AGBL4: variants seen among roughly 807,000 people sequenced by gnomAD.
The protein encoded by AGBL4 is cytosolic carboxypeptidase 6.
Under a neutral mutation model 66.4 loss-of-function variants are expected in AGBL4, and 58 were observed. The observed-to-expected ratio is 0.87, with a 90% CI of 0.71 to 1.09. The LOEUF is 1.09. Ranked by LOEUF, AGBL4 falls within the 50% of genes least tolerant of loss-of-function variation. The pLI is 0.00. For missense variants in AGBL4, 579 were observed against 631.0 expected, an observed-to-expected ratio of 0.92 and a Z score of 0.88; for synonymous variants, 234 against 222.9, an observed-to-expected ratio of 1.05 and a Z score of -0.44.
intron 1 of AGBL4, among the ~76,000 whole-genome samples, chr1:49,880,757 G>T (rs1647216308): frequency 6.6e-6 from 1 of 152,022 alleles, no homozygotes; most frequent in South Asian, 2.1e-4. Flanking sequence ...CCCTCCCCCA[G>T]CCTTGCTGCC....
At chr1:48,663,362 C>T in intron 6 of AGBL4, 121 bp from the exon 7 acceptor site, 1 of 866,104 alleles carries the variant, frequency 1.2e-6, no homozygotes, top group African/African-American at 1.6e-5. Flanking sequence ...CCTCTTAAAC[C>T]ACTGGGTTAG....
chr1:49,696,699 C>G (rs913728931), intron 3 of AGBL4, among the ~76,000 whole-genome samples: 13 of 151,900 alleles, frequency 8.6e-5, no homozygotes, highest in African/African-American at 3.1e-4. Flanking sequence ...AACTGAAACA[C>G]TTCTGGTCCC....
chr1:48,558,251 C>A (rs1436501529), intron 11 of AGBL4, among the ~76,000 whole-genome samples: 1 of 152,244 alleles, frequency 6.6e-6, no homozygotes, highest in Non-Finnish European at 1.5e-5. Flanking sequence ...TAGTGACCTT[C>A]ATATTTTCTA....
intron 6 of AGBL4, among the ~76,000 whole-genome samples, chr1:48,722,589 G>A (rs1647169409): frequency 6.6e-6 from 1 of 152,130 alleles, no homozygotes; most frequent in Non-Finnish European, 1.5e-5. Context: ...CTCCAAAACT[G>A]ATGCTCTTTC....
chr1:49,364,503 T>C (rs78703430), intron 3 of AGBL4, among the ~76,000 whole-genome samples: 1 of 150,990 alleles, frequency 6.6e-6, no homozygotes, highest in South Asian at 2.2e-4. Context: ...TTTTGAGACA[T>C]TGTCTCTCAT....
chr1:49,012,298 C>G (rs1662497529), intron 5 of AGBL4, among the ~76,000 whole-genome samples: 1 of 151,874 alleles, frequency 6.6e-6, no homozygotes, highest in Non-Finnish European at 1.5e-5. Flanking sequence ...AATATAGAGA[C>G]AAAGACAGAG....
chr1:49,993,732 C>T (rs948411888), intron 1 of AGBL4, among the ~76,000 whole-genome samples: 16 of 152,068 alleles, frequency 1.1e-4, no homozygotes, highest in African/African-American at 3.9e-4. Flanking sequence ...TACATGAGAC[C>T]AGCAGTAACC....
intron 5 of AGBL4, among the ~76,000 whole-genome samples, chr1:49,000,555 T>C (rs986711183): frequency 2.6e-5 from 4 of 152,180 alleles, no homozygotes; most frequent in African/African-American, 9.7e-5. Context: ...AAAGTTGATC[T>C]TGGTCTACAT....
At chr1:48,998,676 G>C (rs923532485) in intron 5 of AGBL4, among the ~76,000 whole-genome samples, 13 of 152,300 alleles carry the variant, frequency 8.5e-5, no homozygotes, top group African/African-American at 2.9e-4. Flanking sequence ...GGTGAAGGTG[G>C]AACAGGGTAC....
intron 1 of AGBL4, among the ~76,000 whole-genome samples, chr1:49,990,737 AC>A (rs1557644231): frequency 6.6e-6 from 1 of 152,226 alleles, no homozygotes; most frequent in Non-Finnish European, 1.5e-5. Flanking sequence ...CTATTTAACA[AC>A]ACGAGCCACA....
chr1:49,818,572 TC>T (rs1557477461), intron 2 of AGBL4, among the ~76,000 whole-genome samples: 1 of 152,018 alleles, frequency 6.6e-6, no homozygotes, highest in Non-Finnish European at 1.5e-5. Flanking sequence ...TCCCTATGTT[TC>T]CCAGGCTGCT....
intron 4 of AGBL4, among the ~76,000 whole-genome samples, chr1:49,093,909 A>G (rs1645044107): frequency 1.3e-5 from 2 of 152,176 alleles, no homozygotes; most frequent in Non-Finnish European, 2.9e-5. Context: ...AGCTCATTTC[A>G]TCATAGGATA....
intron 6 of AGBL4, among the ~76,000 whole-genome samples, chr1:48,783,314 T>C (rs1463527088): frequency 1.3e-5 from 2 of 152,058 alleles, no homozygotes; most frequent in African/African-American, 4.8e-5. Flanking sequence ...GCACTCCTGC[T>C]CATGAAGTCT....
At chr1:49,698,187 T>C (rs1010911844) in intron 2 of AGBL4, among the ~76,000 whole-genome samples, 1 of 152,126 alleles carries the variant, frequency 6.6e-6, no homozygotes, top group Non-Finnish European at 1.5e-5. Flanking sequence ...GAAGAACTAG[T>C]TTAGTTTTAG....
intron 3 of AGBL4, among the ~76,000 whole-genome samples, chr1:49,514,268 T>G (rs1275756186): frequency 2.0e-5 from 3 of 151,684 alleles, no homozygotes; most frequent in Non-Finnish European, 4.4e-5. Context: ...TGAATAGGAG[T>G]GGTGACAGAG....
At chr1:49,411,087 G>C (rs969807635) in intron 3 of AGBL4, among the ~76,000 whole-genome samples, 2 of 152,206 alleles carry the variant, frequency 1.3e-5, no homozygotes, top group African/African-American at 2.4e-5. Context: ...AAAGAAGCCA[G>C]CAGTGGTTCG....
chr1:49,085,005 A>T (rs1644878982), intron 4 of AGBL4, among the ~76,000 whole-genome samples: 1 of 152,120 alleles, frequency 6.6e-6, no homozygotes, highest in African/African-American at 2.4e-5. Flanking sequence ...GAGCCAAGGG[A>T]TGCTGACAGC....
At chr1:48,988,195 C>T (rs1164722284) in intron 5 of AGBL4, among the ~76,000 whole-genome samples, 1 of 151,996 alleles carries the variant, frequency 6.6e-6, no homozygotes, top group African/African-American at 2.4e-5. Context: ...ATGAGCCACT[C>T]GAGAACAGGG....
intron 3 of AGBL4, among the ~76,000 whole-genome samples, chr1:49,524,787 TTATGATACC>T (rs1488002825): frequency 2.0e-5 from 3 of 152,088 alleles, no homozygotes; most frequent in Non-Finnish European, 4.4e-5. Flanking sequence ...CATGCCTTTA[TTATGATACC>T]TATGATACTA....
Sources: allele counts gnomAD v4.1 joint callset (sites outside exome capture counted in the v4.1 genomes callset), GRCh38; gene constraint gnomAD v4.1.1; transcripts MANE v1.5; gene names NCBI Gene and HGNC (gene_info 2026-07-23, HGNC 2026-07-21).